The following SDK1 variants were observed in gnomAD, a reference collection of about 807,000 sequenced individuals.
SDK1 encodes sidekick cell adhesion molecule 1.
In SDK1, 157 loss-of-function variants were observed where a neutral mutation model predicts 245.5. The observed-to-expected ratio is 0.64, with a 90% CI of 0.56 to 0.73. The LOEUF (loss-of-function observed/expected upper bound fraction) is 0.73, where lower values mean the gene tolerates loss of function less well. Ranked by LOEUF, SDK1 falls within the 30% of genes least tolerant of loss-of-function variation. The probability of loss-of-function intolerance (pLI) is 0.00; values close to 1 mark genes in which losing one functional copy is unlikely to be tolerated. For synonymous variants in SDK1, 1,647 were observed against 1,278.5 expected (o/e 1.29, Z -6.15); for missense variants, 3,583 against 3,002.3 (o/e 1.19, Z -4.52).
At chr7:3,342,393 A>G (rs1258956528) in intron 1 of SDK1, among the ~76,000 whole-genome samples, 1 of 152,048 alleles carries the variant, frequency 6.6e-6, no homozygotes, top group African/African-American at 2.4e-5. Context: ...GTTTGAGATC[A>G]GCCTGACCGA....
chr7:3,779,691 G>T (rs1780669189), intron 4 of SDK1, among the ~76,000 whole-genome samples: 1 of 152,104 alleles, frequency 6.6e-6, no homozygotes, highest in Non-Finnish European at 1.5e-5. Context: ...CCAGCACTTT[G>T]GGAGGCCGAG....
chr7:3,710,701 T>G (rs1409163827), intron 4 of SDK1, among the ~76,000 whole-genome samples: 1 of 152,238 alleles, frequency 6.6e-6, no homozygotes, highest in Non-Finnish European at 1.5e-5. Flanking sequence ...TCACTTGACC[T>G]AAAGGGGCTC....
chr7:4,238,235 A>G (rs1786302789), intron 42 of SDK1, among the ~76,000 whole-genome samples: 2 of 151,856 alleles, frequency 1.3e-5, no homozygotes, highest in South Asian at 4.2e-4. Flanking sequence ...GCCTGCCACT[A>G]CGCCCGGCTA....
chr7:4,236,478 A>C (rs1786176263), intron 41 of SDK1, among the ~76,000 whole-genome samples: 2 of 152,156 alleles, frequency 1.3e-5, no homozygotes, highest in African/African-American at 4.8e-5. Context: ...TAGAGGCAGA[A>C]AATAAATAAA....
intron 6 of SDK1, 85 bp from the exon 7 acceptor site, chr7:3,951,645 A>T: frequency 7.9e-7 from 1 of 1,267,278 alleles, no homozygotes; most frequent in South Asian, 1.3e-5. Flanking sequence ...TAGCTTCGTC[A>T]AGCCTGTGCC....
chr7:4,192,753 C>T (rs940055875), intron 35 of SDK1, among the ~76,000 whole-genome samples: 1 of 151,946 alleles, frequency 6.6e-6, no homozygotes, highest in Admixed American at 6.6e-5. Flanking sequence ...AAGACCCGCC[C>T]GTGTCGAGAA....
chr7:4,224,681 C>G (rs1261957886), intron 40 of SDK1, among the ~76,000 whole-genome samples: 1 of 151,958 alleles, frequency 6.6e-6, no homozygotes, highest in Non-Finnish European at 1.5e-5. Flanking sequence ...GCCAACAGAT[C>G]GCCACAGGGA....
chr7:3,921,073 A>G (rs910053322), intron 5 of SDK1, among the ~76,000 whole-genome samples: 1 of 152,226 alleles, frequency 6.6e-6, no homozygotes, highest in Non-Finnish European at 1.5e-5. Flanking sequence ...TTTTTATTAG[A>G]TGAGCAATAA....
At chr7:4,053,932 T>C (rs1583960961) in intron 19 of SDK1, among the ~76,000 whole-genome samples, 1 of 151,792 alleles carries the variant, frequency 6.6e-6, no homozygotes, top group Non-Finnish European at 1.5e-5. Context: ...GTGGTGGTGG[T>C]TTTTTTTGTT....
At chr7:3,990,457 G>A (rs751760033) in intron 14 of SDK1, among the ~76,000 whole-genome samples, 5 of 152,260 alleles carry the variant, frequency 3.3e-5, no homozygotes, top group Non-Finnish European at 5.9e-5. Context: ...GAAGGCCAGG[G>A]TGTTACTGAT....
chr7:3,729,913 G>A (rs978255022), intron 4 of SDK1, among the ~76,000 whole-genome samples: 3 of 151,832 alleles, frequency 2.0e-5, no homozygotes, highest in South Asian at 2.1e-4. Context: ...ATGCTATCTC[G>A]CATGCAGTGG....
chr7:4,067,910 C>A lies in SDK1; in HGVS notation c.2984C>A (p.Pro995His), dbSNP rs1476275580. 2 of 1,612,646 alleles carry A rather than the reference C, an allele frequency of 1.2e-6. No individual in the cohort carries two copies. The highest frequency in any genetic ancestry group is 1.1e-5 in the South Asian group (1 of 90,556). Reference sequence around the variant, plus strand: ...TCTCTCAAGGTCAGCTGGCAGGAGCCCCTGGAGAAAAATGGCATCATTACT... The same window carrying A: ...TCTCTCAAGGTCAGCTGGCAGGAGCACCTGGAGAAAAATGGCATCATTACT... ...DTSLKVSWQE[P>H]LEKNGIITGY... The change falls in exon 20 of 45, where the codon CCC becomes CAC. Residue 995 changes from proline (P) to histidine (H), a missense_variant. Coordinates refer to ENST00000404826, the MANE Select transcript of SDK1 (RefSeq NM_152744.4).
chr7:3,334,813 G>T (rs1780157573), intron 1 of SDK1, among the ~76,000 whole-genome samples: 1 of 151,992 alleles, frequency 6.6e-6, no homozygotes, highest in Non-Finnish European at 1.5e-5. Context: ...ATTTCCAATG[G>T]TCGGTCATCT....
chr7:3,536,670 G>C (rs1374405590), intron 1 of SDK1, among the ~76,000 whole-genome samples: 6 of 151,682 alleles, frequency 4.0e-5, no homozygotes, highest in Non-Finnish European at 7.4e-5. Context: ...CTCCAGCCTG[G>C]GCAACAGAGT....
chr7:3,760,322 C>T (rs1393787287), intron 4 of SDK1, among the ~76,000 whole-genome samples: 3 of 152,166 alleles, frequency 2.0e-5, no homozygotes, highest in Admixed American at 2.0e-4. Flanking sequence ...CAATTACCAA[C>T]CACAGCAATG....
At chr7:4,214,567 A>G in intron 38 of SDK1, among the ~76,000 whole-genome samples, 1 of 152,176 alleles carries the variant, frequency 6.6e-6, no homozygotes, top group South Asian at 2.1e-4. Flanking sequence ...TTGGCTCTGC[A>G]GGCTGAGGGG....
chr7:4,004,709 C>G (rs938879194), intron 14 of SDK1, among the ~76,000 whole-genome samples: 1 of 152,296 alleles, frequency 6.6e-6, no homozygotes, highest in East Asian at 1.9e-4. Flanking sequence ...GAAATTATGT[C>G]AATTCATCCC....
intron 22 of SDK1, among the ~76,000 whole-genome samples, chr7:4,106,210 C>A (rs1782892399): frequency 1.3e-5 from 2 of 152,290 alleles, no homozygotes; most frequent in South Asian, 4.2e-4. Flanking sequence ...GGCCACAGGG[C>A]CTAGCAATGG....
chr7:3,524,294 C>G (rs1049081139), intron 1 of SDK1, among the ~76,000 whole-genome samples: 1 of 152,094 alleles, frequency 6.6e-6, no homozygotes, highest in African/African-American at 2.4e-5. Context: ...GTGGAAACAA[C>G]AAAATCCTAC....
Sources: allele counts gnomAD v4.1 joint callset (sites outside exome capture counted in the v4.1 genomes callset), GRCh38; gene constraint gnomAD v4.1.1; transcripts MANE v1.5; gene names NCBI Gene and HGNC (gene_info 2026-07-23, HGNC 2026-07-21).